The following ADGB variants were observed in gnomAD, a reference collection of about 807,000 sequenced individuals.
ADGB encodes the protein calpain-7-like protein.
In ADGB, 172 loss-of-function variants were observed where a neutral mutation model predicts 210.5. The ratio of observed to expected loss-of-function variants is 0.82; its 90% CI spans 0.72 to 0.93. The LOEUF (loss-of-function observed/expected upper bound fraction) is 0.93. Among genes scored for constraint, ADGB ranks in the 40% least tolerant of loss-of-function variants. The pLI is 0.00. For synonymous variants in ADGB, 658 were observed against 662.7 expected (o/e 0.99, Z 0.11); for missense variants, 2,025 against 1,964.8 (o/e 1.03, Z -0.58).
intron 16 of ADGB, among the ~76,000 whole-genome samples, chr6:146,720,058 T>C (rs185214457): frequency 7.3e-6 from 1 of 136,780 alleles, no homozygotes; most frequent in African/African-American, 3.7e-5. Flanking sequence ...ATATATTAAC[T>C]TTTTTTTAAT....
At chr6:146,775,008 A>G (rs1386371110) in intron 29 of ADGB, among the ~76,000 whole-genome samples, 2 of 152,132 alleles carry the variant, frequency 1.3e-5, no homozygotes, top group African/African-American at 4.8e-5. Flanking sequence ...CCTAGCCTCA[A>G]GCAATCCACT....
intron 7 of ADGB, among the ~76,000 whole-genome samples, chr6:146,668,233 A>G (rs1775962995): frequency 6.6e-6 from 1 of 152,088 alleles, no homozygotes. Context: ...GACTTTTACA[A>G]GATGATTAAA....
At chr6:146,672,112 A>T in intron 7 of ADGB, 108 bp from the exon 8 acceptor site, 1 of 1,339,618 alleles carries the variant, frequency 7.5e-7, no homozygotes, top group Non-Finnish European at 1.0e-6. Flanking sequence ...TAACAATTGA[A>T]ATTATTCATT....
chr6:146,644,705 T>G lies in ADGB; in HGVS notation c.238-68T>G. On this transcript the variant is annotated intron_variant, in intron 2 of 35. Coordinates refer to ENST00000397944, the MANE Select transcript of ADGB (RefSeq NM_024694.4). The stretch of plus-strand genomic sequence containing the variant: ...ACCAAATCTATGCACTTATTTCTTT[T>G]TTATTAAAATTGTTTTTTTATTTTA... 3 of 1,008,504 alleles carry G rather than the reference T, an allele frequency of 3.0e-6. No individual in the cohort carries two copies. The South Asian group carries it at 6.2e-5, about 21-fold the overall frequency. 62.5% of individuals were successfully genotyped at this position (1,008,504 alleles called of 1,614,324 possible). A position where few individuals can be genotyped will look rare whatever the true frequency, so the allele number is the denominator to read the frequency against.
chr6:146,617,730 GCTATGCGT>G (rs1245624393), intron 1 of ADGB, among the ~76,000 whole-genome samples: 2 of 151,856 alleles, frequency 1.3e-5, no homozygotes, highest in Non-Finnish European at 2.9e-5. Context: ...TTCCATTGAT[GCTATGCGT>G]CTCTTATTGA....
At chr6:146,742,777 G>A (rs1777178743) in intron 25 of ADGB, among the ~76,000 whole-genome samples, 2 of 152,088 alleles carry the variant, frequency 1.3e-5, no homozygotes, top group Non-Finnish European at 2.9e-5. Flanking sequence ...TCTAAACCAA[G>A]CTTGTCCAAC....
chr6:146,694,145 A>G (rs546978663), intron 12 of ADGB, among the ~76,000 whole-genome samples: 2 of 152,188 alleles, frequency 1.3e-5, no homozygotes, highest in South Asian at 2.1e-4. Flanking sequence ...AGCTGCTTCC[A>G]CATTTTAGGT....
intron 29 of ADGB, among the ~76,000 whole-genome samples, chr6:146,774,504 C>T (rs1320654811): frequency 6.6e-6 from 1 of 151,960 alleles, no homozygotes; most frequent in Non-Finnish European, 1.5e-5. Flanking sequence ...TGAAAAGCAG[C>T]AAAGAAATTC....
intron 33 of ADGB, among the ~76,000 whole-genome samples, chr6:146,793,423 A>G (rs1777981791): frequency 6.6e-6 from 1 of 152,144 alleles, no homozygotes; most frequent in Non-Finnish European, 1.5e-5. Flanking sequence ...CACTGTAGCT[A>G]CTTCCTGCTG....
chr6:146,691,432 A>ATT (rs1776310681), intron 11 of ADGB, 142 bp downstream of exon 11: 1 of 34,374 alleles, frequency 2.9e-5, no homozygotes, highest in African/African-American at 2.1e-4. Context: ...ATATATATAT[A>ATT]TATATATATA....
chr6:146,652,140 G>A (rs924879456), intron 3 of ADGB, among the ~76,000 whole-genome samples: 4 of 152,156 alleles, frequency 2.6e-5, no homozygotes, highest in Non-Finnish European at 2.9e-5. Flanking sequence ...GTGAAAGTGT[G>A]CCATTGTAGA....
At chr6:146,675,974 T>C (rs1312112346) in intron 8 of ADGB, among the ~76,000 whole-genome samples, 1 of 152,128 alleles carries the variant, frequency 6.6e-6, no homozygotes, top group Non-Finnish European at 1.5e-5. Flanking sequence ...CTTTGCTGTG[T>C]TTTGTTTTTA....
intron 1 of ADGB, among the ~76,000 whole-genome samples, chr6:146,614,211 T>TCCTC (rs1359212539): frequency 1.1e-4 from 4 of 35,886 alleles, no homozygotes; most frequent in African/African-American, 1.5e-4. Context: ...CTTCCTCCCT[T>TCCTC]CCTTCCTCCC....
At position 146,691,222 on chromosome 6, in the gene ADGB, C is replaced by T. The variant is rs1414597112; in HGVS notation, c.1418C>T (p.Pro473Leu). 1 of 1,549,028 alleles carries T rather than the reference C, an allele frequency of 6.5e-7. No homozygotes were observed. The highest frequency in any genetic ancestry group is 2.5e-5 in the East Asian group (1 of 40,772). The change falls in exon 11 of 36, where the codon CCA (proline) becomes CTA (leucine). Residue 473 changes from proline to leucine, a missense_variant. Transcript: ENST00000397944. Reference protein sequence around the residue: ...RSCPLVAPPKPPPLPPWKLIR... With the variant: ...RSCPLVAPPKLPPLPPWKLIR... ...TGTCCTCTGGTAGCACCACCAAAAC[C>T]ACCTCCTCTACCTCCCTGGAAACTC...
chr6:146,777,741 T>C (rs188369863), intron 29 of ADGB, among the ~76,000 whole-genome samples: 2 of 152,312 alleles, frequency 1.3e-5, no homozygotes, highest in African/African-American at 4.8e-5. Context: ...CCCATCCCTT[T>C]GCAGCACTTC....
chr6:146,708,103 GTC>G, intron 13 of ADGB, among the ~76,000 whole-genome samples: 1 of 152,014 alleles, frequency 6.6e-6, no homozygotes, highest in East Asian at 1.9e-4. Context: ...CTTTTACTCT[GTC>G]TCTCTTATGG....
intron 7 of ADGB, among the ~76,000 whole-genome samples, chr6:146,668,121 C>G (rs999126053): frequency 2.6e-5 from 4 of 152,042 alleles, no homozygotes; most frequent in African/African-American, 9.7e-5. Flanking sequence ...TATAGATGCA[C>G]CGTTTTATCA....
At chr6:146,742,933 T>C (rs1777180459) in intron 25 of ADGB, among the ~76,000 whole-genome samples, 1 of 152,178 alleles carries the variant, frequency 6.6e-6, no homozygotes, top group South Asian at 2.1e-4. Flanking sequence ...GTGCATTTTA[T>C]GCATGGCCCA....
chr6:146,703,090 C>T (rs1018773301), intron 13 of ADGB, among the ~76,000 whole-genome samples: 12 of 151,760 alleles, frequency 7.9e-5, no homozygotes, highest in Non-Finnish European at 1.5e-4. Context: ...TGCTGCTGTG[C>T]AATGCCTGCT....
Sources: gnomAD v4.1 joint callset for allele counts (sites outside exome capture counted in the v4.1 genomes callset) on GRCh38, gnomAD v4.1.1 for gene constraint, MANE v1.5 for transcripts, NCBI Gene and HGNC (gene_info 2026-07-23, HGNC 2026-07-21) for gene names.